ASTN2: variants seen among roughly 807,000 people sequenced by gnomAD.
The protein encoded by ASTN2 is astrotactin 2.
Under a neutral mutation model 139.8 loss-of-function variants are expected in ASTN2, and 54 were observed. The ratio of observed to expected loss-of-function variants is 0.39; its 90% confidence interval spans 0.31 to 0.48. The LOEUF is 0.48. ASTN2 is among the 20% of genes least tolerant of loss of function. The pLI is 0.95. For synonymous variants in ASTN2, 756 were observed against 719.5 expected, an observed-to-expected ratio of 1.05 and a Z score of -0.81; for missense variants, 1,565 against 1,725.1, an observed-to-expected ratio of 0.91 and a Z score of 1.64.
chr9:116,640,767 T>G (rs577693862), intron 17 of ASTN2, among the ~76,000 whole-genome samples: 1 of 152,232 alleles, frequency 6.6e-6, no homozygotes, highest in African/African-American at 2.4e-5. Flanking sequence ...GAAAGTGATG[T>G]GAGCAAGTTT....
intron 1 of ASTN2, among the ~76,000 whole-genome samples, chr9:117,380,166 C>T (rs1417265440): frequency 2.0e-5 from 3 of 152,154 alleles, no homozygotes; most frequent in Non-Finnish European, 4.4e-5. Flanking sequence ...GTGCTGGAAT[C>T]TGAAAATACA....
chr9:117,023,662 A>G (rs910492306), intron 6 of ASTN2, among the ~76,000 whole-genome samples: 5 of 152,170 alleles, frequency 3.3e-5, no homozygotes, highest in African/African-American at 1.2e-4. Context: ...CCCATGACAC[A>G]TAAGAAACAG....
At chr9:116,803,501 TATATATATATATATATA>T (rs1830932006) in intron 13 of ASTN2, among the ~76,000 whole-genome samples, 8 of 7,200 alleles carry the variant, frequency 1.1e-3, no homozygotes, top group South Asian at 5.5e-3. Context: ...TATATATATA[TATATATATATATATATA>T]TATATTTTTT....
intron 2 of ASTN2, among the ~76,000 whole-genome samples, chr9:117,276,545 G>A (rs1244526613): frequency 6.6e-6 from 1 of 152,214 alleles, no homozygotes; most frequent in Non-Finnish European, 1.5e-5. Flanking sequence ...GCTGAGACAG[G>A]GCAGGCCTCT....
intron 19 of ASTN2, among the ~76,000 whole-genome samples, chr9:116,599,833 A>T (rs1564143777): frequency 6.6e-6 from 1 of 152,094 alleles, no homozygotes; most frequent in Non-Finnish European, 1.5e-5. Context: ...GGAGGAAGGG[A>T]CTTTACAACT....
At chr9:116,681,159 A>G (rs1428339963) in intron 16 of ASTN2, among the ~76,000 whole-genome samples, 10 of 152,256 alleles carry the variant, frequency 6.6e-5, no homozygotes, top group Non-Finnish European at 1.5e-5. Context: ...TTAAGCTGAT[A>G]AGCAACTTCA....
At position 117,396,859 on chromosome 9, in the gene ASTN2, C is replaced by T. The variant is rs147504330; in HGVS notation, c.442+17638G>A. On this transcript the variant is annotated intron_variant, in intron 1 of 22. Transcript: ENST00000313400. Reference sequence around the variant, plus strand: ...GGGATTACAGGCGTGAGCCACCACACCCAGCTATATGAGATATTTTGATAC... The same window carrying T: ...GGGATTACAGGCGTGAGCCACCACATCCAGCTATATGAGATATTTTGATAC... Among the ~76,000 whole-genome samples, 393 of 152,174 alleles carry T rather than the reference C, an allele frequency of 2.6e-3. 4 individuals are homozygous for T. The highest frequency in any genetic ancestry group is 0.025 in the East Asian group (127 of 5,170).
intron 13 of ASTN2, among the ~76,000 whole-genome samples, chr9:116,769,966 G>T (rs1482954752): frequency 6.6e-6 from 1 of 152,032 alleles, no homozygotes; most frequent in African/African-American, 2.4e-5. Flanking sequence ...GTTTGAGTTT[G>T]GTGAGTAATA....
At chr9:117,039,529 T>C (rs773387400) in intron 6 of ASTN2, among the ~76,000 whole-genome samples, 1 of 151,958 alleles carries the variant, frequency 6.6e-6, no homozygotes, top group South Asian at 2.1e-4. Context: ...CAAACCACCA[T>C]GGCACATGTA....
At chr9:117,013,812 A>G (rs1213866264) in intron 6 of ASTN2, among the ~76,000 whole-genome samples, 1 of 152,098 alleles carries the variant, frequency 6.6e-6, no homozygotes, top group Non-Finnish European at 1.5e-5. Flanking sequence ...AGGAGGTATC[A>G]CCAGACAAAA....
At chr9:116,430,714 T>A (rs894200725) in intron 22 of ASTN2, among the ~76,000 whole-genome samples, 2 of 152,188 alleles carry the variant, frequency 1.3e-5, no homozygotes, top group African/African-American at 4.8e-5. Context: ...ACACAAGACT[T>A]TGTACGTAAC....
chr9:117,060,325 AGAAAGAAAG>A (rs1484235626), intron 5 of ASTN2, among the ~76,000 whole-genome samples: 3 of 109,704 alleles, frequency 2.7e-5, no homozygotes, highest in East Asian at 2.6e-4. Context: ...GAAAAAAGAA[AGAAAGAAAG>A]AAAGAAAGAG....
At chr9:117,016,773 G>T (rs1193490495) in intron 6 of ASTN2, among the ~76,000 whole-genome samples, 2 of 67,114 alleles carry the variant, frequency 3.0e-5, no homozygotes, top group Admixed American at 2.0e-4. Flanking sequence ...TTATATATAG[G>T]TTTTATATAT....
At chr9:117,245,956 A>G (rs537386457) in intron 2 of ASTN2, among the ~76,000 whole-genome samples, 2 of 152,226 alleles carry the variant, frequency 1.3e-5, no homozygotes, top group African/African-American at 4.8e-5. Context: ...ATGAGTATTT[A>G]CTAGTCCACT....
intron 16 of ASTN2, among the ~76,000 whole-genome samples, chr9:116,680,812 C>T: frequency 6.6e-6 from 1 of 152,112 alleles, no homozygotes; most frequent in Admixed American, 6.6e-5. Context: ...AGGCCTTTGA[C>T]AAAATTCAAC....
chr9:116,718,972 G>GTGTGTGTGTATATATATA lies in ASTN2; in HGVS notation c.2806+6798_2806+6799insTATATATATACACACACA, dbSNP rs56991546. On this transcript the variant is annotated intron_variant, in intron 16 of 22. Coordinates refer to ENST00000313400, the MANE Select transcript of ASTN2 (RefSeq NM_001365068.1). ...TATTTACATATCTATACCTGTATCT[G>GTGTGTGTGTATATATATA]TACATATATATATATATATCTGCCT... 7.9e-4 allele frequency among the ~76,000 whole-genome samples: 79 copies of GTGTGTGTGTATATATATA among 100,052 alleles called. 3 individuals are homozygous for GTGTGTGTGTATATATATA. The highest frequency in any genetic ancestry group is 2.8e-3 in the African/African-American group (72 of 26,060). 65.6% of individuals were successfully genotyped at this position (100,052 alleles called of 152,430 possible). A position where few individuals can be genotyped will look rare whatever the true frequency, so the allele number is the denominator to read the frequency against.
intron 17 of ASTN2, among the ~76,000 whole-genome samples, chr9:116,625,083 G>C (rs1396430931): frequency 6.6e-6 from 1 of 152,100 alleles, no homozygotes; most frequent in East Asian, 1.9e-4. Flanking sequence ...ATGTCAGTTT[G>C]GTGCTTCTAG....
Position 117,306,021 on chromosome 9 carries a change from AT to A in ASTN2, c.443-14509del, listed in dbSNP as rs1587931385. 2.0e-5 allele frequency among the ~76,000 whole-genome samples: 3 copies of A among 152,202 alleles called. No individual in the cohort carries two copies. The East Asian group carries it at 5.8e-4, about 29-fold the overall frequency. ...TTTGAAGCAACAGAGCCTGTCTTTG[AT>A]TGTAAATTCCTGGAAAAAGGAAAAG... On this transcript the variant is annotated intron_variant, in intron 1 of 22. Transcript: ENST00000313400.
At chr9:116,831,521 A>C (rs1831814143) in intron 11 of ASTN2, among the ~76,000 whole-genome samples, 1 of 152,228 alleles carries the variant, frequency 6.6e-6, no homozygotes, top group Non-Finnish European at 1.5e-5. Context: ...CAAGACAGAC[A>C]AGACCTTTCT....
Sources: allele counts gnomAD v4.1 joint callset (sites outside exome capture counted in the v4.1 genomes callset), GRCh38; gene constraint gnomAD v4.1.1; transcripts MANE v1.5; gene names NCBI Gene and HGNC (gene_info 2026-07-23, HGNC 2026-07-21).